OTOGL: variants seen among roughly 807,000 people sequenced by gnomAD.
OTOGL encodes otogelin-like protein.
A neutral mutation model predicts 318.5 loss-of-function variants in OTOGL; 285 were observed. The ratio of observed to expected loss-of-function variants is 0.89; its 90% CI spans 0.81 to 0.99. The LOEUF is 0.99. Ranked by LOEUF, OTOGL falls within the 50% of genes least tolerant of loss-of-function variation. OTOGL has a pLI of 0.00. For synonymous variants in OTOGL, 987 were observed against 936.5 expected (o/e 1.05, Z -0.99); for missense variants, 2,899 against 2,845.6 (o/e 1.02, Z -0.43).
At chr12:80,115,932 A>G (rs1225483711) in intron 1 of OTOGL, among the ~76,000 whole-genome samples, 1 of 152,164 alleles carries the variant, frequency 6.6e-6, no homozygotes, top group African/African-American at 2.4e-5. Context: ...AGTTGACTTC[A>G]GACTGCTGTG....
chr12:80,227,716 C>T lies in OTOGL; in HGVS notation c.490-1541C>T, dbSNP rs973308587. On this transcript the variant is annotated intron_variant, in intron 7 of 58. Transcript: ENST00000547103. ...TCATGGATCCTGAGAACATTTTAGG[C>T]CTACTCTTCCCTCAGACTTTTATAC... Among the ~76,000 whole-genome samples the T allele has an allele frequency of 2.6e-5, 4 of 152,104 alleles. No homozygotes were observed. The East Asian group carries it at 7.7e-4, about 29-fold the overall frequency.
chr12:80,133,092 A>G (rs1280227822), intron 1 of OTOGL, among the ~76,000 whole-genome samples: 1 of 152,130 alleles, frequency 6.6e-6, no homozygotes, highest in African/African-American at 2.4e-5. Flanking sequence ...AATTGCCAAG[A>G]TTAGGTCTAG....
At chr12:80,230,797 T>C (rs1178838809) in intron 8 of OTOGL, among the ~76,000 whole-genome samples, 1 of 152,192 alleles carries the variant, frequency 6.6e-6, no homozygotes, top group African/African-American at 2.4e-5. Flanking sequence ...TTTCAGTTCT[T>C]TCACCTGTGA....
intron 1 of OTOGL, among the ~76,000 whole-genome samples, chr12:80,197,618 C>T (rs758862945): frequency 5.3e-5 from 8 of 152,212 alleles, no homozygotes; most frequent in Admixed American, 3.9e-4. Flanking sequence ...CTTCTGCTAC[C>T]GAGGTGATTC....
In OTOGL at chr12:80,353,423, T is replaced by C. The variant is rs188085817; in HGVS notation, c.5506T>C (p.Leu1836=). The change falls in exon 46 of 59, where the codon TTG becomes CTG. Residue 1836 remains leucine, a synonymous_variant. Transcript: ENST00000547103. ...NQWFYGHTSC[L]NLREDCVCKV... is the part of the protein sequence containing the mutation. ...ATGGTTCTATGGACACACTTCCTGT[T>C]TGAATCTAAGAGAAGACTGTGTGTG... 4.4e-6 allele frequency: 7 copies of C among 1,604,556 alleles called. No homozygotes were observed. The highest frequency in any genetic ancestry group is 1.7e-4 in the Middle Eastern group (1 of 6,050).
At chr12:80,291,991 T>A (rs551411094) in intron 26 of OTOGL, among the ~76,000 whole-genome samples, 2 of 152,224 alleles carry the variant, frequency 1.3e-5, no homozygotes, top group East Asian at 3.9e-4. Context: ...TTTCTTTTTC[T>A]TTTTTTGTTT....
rs1188009124 is a variant in OTOGL at position 80,353,309 on chromosome 12, C to T, written c.5408-16C>T. On this transcript the variant is annotated splice_polypyrimidine_tract_variant and intron_variant, in intron 45 of 58. Coordinates refer to ENST00000547103, the MANE Select transcript of OTOGL (RefSeq NM_001378609.3). ...TACTTTTATCATTAGCAAATTTTGT[C>T]TCCTATTCTTCAAAGCCCTGAGTTG... is the stretch of plus-strand genomic sequence containing the variant. The T allele has an allele frequency of 1.4e-6, 2 of 1,382,762 alleles. No homozygotes were observed. Among genetic ancestry groups the T allele is most frequent in the South Asian group, 1.9e-5 (1 of 51,316 alleles). 85.7% of individuals were successfully genotyped at this position (1,382,762 alleles called of 1,614,324 possible).
chr12:80,340,936 G>GT (rs370802593), intron 43 of OTOGL, among the ~76,000 whole-genome samples: 98,869 of 139,132 alleles, frequency 0.71, 35,216 homozygotes, highest in East Asian at 0.9. Flanking sequence ...GTCCACTTAG[G>GT]TTTTTTTTTT....
At chr12:80,223,773 ATTGT>A (rs1321312554) in intron 7 of OTOGL, among the ~76,000 whole-genome samples, 1 of 151,504 alleles carries the variant, frequency 6.6e-6, no homozygotes, top group East Asian at 1.9e-4. Flanking sequence ...TTTTGATGGA[ATTGT>A]TTGTTTTTTT....
At chr12:80,319,357 C>A (rs1369856685) in intron 33 of OTOGL, among the ~76,000 whole-genome samples, 1 of 152,160 alleles carries the variant, frequency 6.6e-6, no homozygotes, top group African/African-American at 2.4e-5. Context: ...TGGAACCATG[C>A]ATGACATGTT....
At chr12:80,217,084 C>T (rs1253180405) in intron 4 of OTOGL, among the ~76,000 whole-genome samples, 1 of 152,002 alleles carries the variant, frequency 6.6e-6, no homozygotes, top group Non-Finnish European at 1.5e-5. Context: ...TTTTCTTTAC[C>T]GATTGGTGTG....
chr12:80,349,847 C>T (rs1889432448), intron 44 of OTOGL, among the ~76,000 whole-genome samples: 2 of 152,160 alleles, frequency 1.3e-5, no homozygotes, highest in Admixed American at 6.5e-5. Context: ...CTGTGTACAA[C>T]GTGGTGTTTT....
At chr12:80,166,722 C>T (rs947830486) in intron 1 of OTOGL, among the ~76,000 whole-genome samples, 1 of 152,108 alleles carries the variant, frequency 6.6e-6, no homozygotes, top group African/African-American at 2.4e-5. Flanking sequence ...TTTACTGTAA[C>T]CTATTATTTG....
intron 1 of OTOGL, among the ~76,000 whole-genome samples, chr12:80,184,796 C>G (rs1267384643): frequency 6.6e-6 from 1 of 152,104 alleles, no homozygotes; most frequent in Non-Finnish European, 1.5e-5. Context: ...TGCCTAATAC[C>G]AGGCAAATTG....
chr12:80,345,305 G>A (rs982452222), intron 44 of OTOGL, among the ~76,000 whole-genome samples: 21 of 145,270 alleles, frequency 1.4e-4, no homozygotes, highest in African/African-American at 2.6e-4. Context: ...GCATGATCTC[G>A]GCTCACTGAA....
chr12:80,143,612 G>C (rs1286856957), intron 1 of OTOGL, among the ~76,000 whole-genome samples: 3 of 152,162 alleles, frequency 2.0e-5, no homozygotes, highest in Admixed American at 2.0e-4. Context: ...CTGGGGCTGA[G>C]AAACTTGAGC....
chr12:80,262,869 C>A (rs1003773476), intron 19 of OTOGL, among the ~76,000 whole-genome samples: 1 of 151,714 alleles, frequency 6.6e-6, no homozygotes, highest in African/African-American at 2.4e-5. Context: ...TTATTTTTTC[C>A]TTTAATCATC....
chr12:80,217,525 A>G, intron 4 of OTOGL, 73 bp from the exon 5 acceptor site: 1 of 1,027,392 alleles, frequency 9.7e-7, no homozygotes, highest in Admixed American at 2.2e-5. Flanking sequence ...TATTTTCTAG[A>G]TTTGCCAATT....
chr12:80,149,338 TG>T (rs1872617210), intron 1 of OTOGL, among the ~76,000 whole-genome samples: 1 of 140,506 alleles, frequency 7.1e-6, no homozygotes, highest in African/African-American at 2.6e-5. Flanking sequence ...GTGCCCCTGC[TG>T]GGGGGTGCCT....
Sources: gnomAD v4.1 joint callset for allele counts (sites outside exome capture counted in the v4.1 genomes callset) on GRCh38, gnomAD v4.1.1 for gene constraint, MANE v1.5 for transcripts, NCBI Gene and HGNC (gene_info 2026-07-23, HGNC 2026-07-21) for gene names.